Variants in PCGF5 observed in about 807,000 individuals in gnomAD.
PCGF5 encodes polycomb group ring finger 5, also known as polycomb group RING finger protein 5.
Under a neutral mutation model 44.3 loss-of-function variants are expected in PCGF5, and 9 were observed. The observed-to-expected ratio is 0.20, with a 90% CI of 0.12 to 0.35. The LOEUF is 0.35. PCGF5 is among the 10% of genes least tolerant of loss of function. The probability of loss-of-function intolerance (pLI) is 1.00; values close to 1 mark genes in which losing one functional copy is unlikely to be tolerated. For synonymous variants in PCGF5, 95 were observed against 102.5 expected, an observed-to-expected ratio of 0.93 and a Z score of 0.44; for missense variants, 146 against 305.3, an observed-to-expected ratio of 0.48 and a Z score of 3.89.
chr10:91,238,601 C>CTTTCTTTCTTTCTTTTTTT (rs1564644969), intron 2 of PCGF5, among the ~76,000 whole-genome samples: 2 of 58,440 alleles, frequency 3.4e-5, no homozygotes, highest in African/African-American at 1.4e-4. Flanking sequence ...TTCTTTCTTT[C>CTTTCTTTCTTTCTTTTTTT]TTTTTTTTTT....
intron 2 of PCGF5, among the ~76,000 whole-genome samples, chr10:91,236,347 G>T (rs369304048): frequency 6.6e-6 from 1 of 152,142 alleles, no homozygotes; most frequent in Non-Finnish European, 1.5e-5. Flanking sequence ...CTGAGGCCAA[G>T]CCTGATATTT....
intron 1 of PCGF5, among the ~76,000 whole-genome samples, chr10:91,207,974 C>T (rs1012374685): frequency 5.3e-5 from 8 of 152,104 alleles, no homozygotes; most frequent in Admixed American, 4.6e-4. Context: ...GGTACCTTTT[C>T]CCCTTTGTAA....
chr10:91,178,464 A>G (rs1843754849), intron 1 of PCGF5, among the ~76,000 whole-genome samples: 1 of 150,988 alleles, frequency 6.6e-6, no homozygotes, highest in Non-Finnish European at 1.5e-5. Flanking sequence ...ATTATAGCTC[A>G]CAGCAGCCTT....
intron 2 of PCGF5, among the ~76,000 whole-genome samples, chr10:91,237,038 A>G (rs548303623): frequency 3.2e-4 from 49 of 152,352 alleles, no homozygotes; most frequent in Non-Finnish European, 2.8e-4. Context: ...TACATTGGTT[A>G]ACAAAATGGA....
chr10:91,222,792 C>A lies in PCGF5; in HGVS notation c.-80C>A. 2.6e-6 allele frequency: 2 copies of A among 782,322 alleles called. No individual in the cohort carries two copies. Among genetic ancestry groups the A allele is most frequent in the Non-Finnish European group, 4.4e-6 (2 of 458,574 alleles). 48.5% of individuals were successfully genotyped at this position (782,322 alleles called of 1,614,324 possible). A position where few individuals can be genotyped will look rare whatever the true frequency, so the allele number is the denominator to read the frequency against. On this transcript the variant is annotated 5_prime_UTR_variant, in exon 2 of 10. Transcript: ENST00000336126. ...AGGACATCCTACTGGGAACGACACA[C>A]CAGCTCCTGGGATCAGACTTTCATC...
At position 91,283,318 on chromosome 10, in the gene PCGF5, A is replaced by G. The variant is rs1192609844; in HGVS notation, c.*5002A>G. 2 of 152,222 alleles carry G rather than the reference A, an allele frequency of 1.3e-5. No homozygotes were observed. The highest frequency in any genetic ancestry group is 2.9e-5 in the Non-Finnish European group (2 of 68,032). 9.4% of individuals were successfully genotyped at this position (152,222 alleles called of 1,614,324 possible). ...TAAATGCTCATTCAAATGTGTCTGTATACTTGCTATGCCCCTTTTTCTATA... is the reference window on the plus strand; with the variant it reads ...TAAATGCTCATTCAAATGTGTCTGTGTACTTGCTATGCCCCTTTTTCTATA... On this transcript the variant is annotated 3_prime_UTR_variant, in exon 10 of 10. Coordinates refer to ENST00000336126, the MANE Select transcript of PCGF5 (RefSeq NM_032373.5).
At chr10:91,200,178 A>G (rs1370155201) in intron 1 of PCGF5, among the ~76,000 whole-genome samples, 1 of 152,202 alleles carries the variant, frequency 6.6e-6, no homozygotes, top group Non-Finnish European at 1.5e-5. Context: ...GCCAGAATAA[A>G]AGCCACAGGT....
chr10:91,264,535 T>C lies in PCGF5; in HGVS notation c.663+15T>C. On this transcript the variant is annotated intron_variant, in intron 8 of 9. Coordinates refer to ENST00000336126, the MANE Select transcript of PCGF5 (RefSeq NM_032373.5). ...GAGGCGAAAACGTAAATTGCTTTTA[T>C]ATTTACCTATGTGTTTATTTAGTTA... 1 of 1,564,754 alleles carries C rather than the reference T, an allele frequency of 6.4e-7. No individual in the cohort carries two copies. The highest frequency in any genetic ancestry group is 8.8e-7 in the Non-Finnish European group (1 of 1,142,372).
At chr10:91,241,151 C>T (rs915918652) in intron 3 of PCGF5, among the ~76,000 whole-genome samples, 2 of 151,296 alleles carry the variant, frequency 1.3e-5, no homozygotes, top group African/African-American at 2.4e-5. Context: ...CTCAGCTCAC[C>T]GCAACCTCCA....
chr10:91,173,595 T>TTTTTTTTTTTTTTTTTC (rs71025342), intron 1 of PCGF5, among the ~76,000 whole-genome samples: 1 of 140,756 alleles, frequency 7.1e-6, no homozygotes, highest in African/African-American at 2.6e-5. Flanking sequence ...TTTTTTTTTT[T>TTTTTTTTTTTTTTTTTC]CCCACAGAAG....
Position 91,240,494 on chromosome 10 carries a change from T to C in PCGF5, c.123T>C (p.Thr41=). The C allele has an allele frequency of 6.2e-7, 1 of 1,608,434 alleles. No individual in the cohort carries two copies. The change falls in exon 3 of 10, where the codon ACT becomes ACC. Residue 41 remains threonine, a synonymous_variant. Coordinates refer to ENST00000336126, the MANE Select transcript of PCGF5 (RefSeq NM_032373.5). ...VTECLHTFCK[T]CIVQHFEDSN... ...CTTCTTTCTTCTTAGTCTGTAAGAC[T>C]TGTATTGTTCAGCACTTTGAAGATA...
chr10:91,271,309 G>A (rs66518918), intron 8 of PCGF5, among the ~76,000 whole-genome samples: 10,477 of 152,094 alleles, frequency 0.069, 461 homozygotes, highest in African/African-American at 0.11. Flanking sequence ...ATGGAAGAAA[G>A]AGGATGTCCC....
rs148896474 is a variant in PCGF5 at position 91,250,219 on chromosome 10, G to A, written c.326-1073G>A. 1.2e-4 allele frequency among the ~76,000 whole-genome samples: 19 copies of A among 152,060 alleles called. No individual in the cohort carries two copies. The Middle Eastern group carries it at 0.01, about 82-fold the overall frequency. On this transcript the variant is annotated intron_variant, in intron 5 of 9. Transcript: ENST00000336126. ...TATGTATATTCTCTATAAATAAGGA[G>A]AAGAAAACATGTAGAAAAAAGAGAA... is the stretch of plus-strand genomic sequence containing the variant.
chr10:91,245,984 T>C (rs1005071324), intron 3 of PCGF5, among the ~76,000 whole-genome samples: 2 of 152,110 alleles, frequency 1.3e-5, no homozygotes, highest in Non-Finnish European at 2.9e-5. Context: ...TATCCAGCCA[T>C]GGGTGCCAGT....
intron 6 of PCGF5, among the ~76,000 whole-genome samples, chr10:91,260,816 G>C (rs1325008883): frequency 1.4e-5 from 2 of 138,104 alleles, no homozygotes; most frequent in Non-Finnish European, 3.1e-5. Context: ...GTTGTGGGGT[G>C]GGGGAGGGGG....
chr10:91,191,142 A>G (rs1336163237), intron 1 of PCGF5, among the ~76,000 whole-genome samples: 1 of 152,242 alleles, frequency 6.6e-6, no homozygotes, highest in Admixed American at 6.5e-5. Flanking sequence ...TACATATGAT[A>G]AAGTTTAATT....
chr10:91,224,667 T>C (rs1434463497), intron 2 of PCGF5, among the ~76,000 whole-genome samples: 1 of 152,070 alleles, frequency 6.6e-6, no homozygotes, highest in Non-Finnish European at 1.5e-5. Flanking sequence ...GCAGTCTGTA[T>C]AAAGGGAAAA....
chr10:91,161,993 G>A (rs1843393500), upstream of PCGF5, among the ~76,000 whole-genome samples: 1 of 151,904 alleles, frequency 6.6e-6, no homozygotes, highest in Non-Finnish European at 1.5e-5. Flanking sequence ...GGGGGAGCAG[G>A]AAGACTGCAC....
rs1178537535 is a variant in PCGF5 at position 91,195,475 on chromosome 10, TATATATATATAGAGAG to T, written c.-183-27212_-183-27197del. On this transcript the variant is annotated intron_variant, in intron 1 of 9. Coordinates refer to the PCGF5 transcript ENST00000614189. Reference sequence around the variant, plus strand: ...ATGCATATATATATATGCATGCATATATATATATATAGAGAGAGAGAGAGAGAGAGAGACGCAGGGT... The same window carrying T: ...ATGCATATATATATATGCATGCATATAGAGAGAGAGAGAGAGACGCAGGGT... 1.4e-3 allele frequency among the ~76,000 whole-genome samples: 154 copies of T among 107,808 alleles called. 1 individual carries two copies. Among genetic ancestry groups the T allele is most frequent in the African/African-American group, 5.4e-3 (147 of 26,998 alleles). 70.7% of individuals were successfully genotyped at this position (107,808 alleles called of 152,430 possible). A position where few individuals can be genotyped will look rare whatever the true frequency, so the allele number is the denominator to read the frequency against.
Sources: gnomAD v4.1 joint callset for allele counts (sites outside exome capture counted in the v4.1 genomes callset) on GRCh38, gnomAD v4.1.1 for gene constraint, MANE v1.5 for transcripts, NCBI Gene and HGNC (gene_info 2026-07-23, HGNC 2026-07-21) for gene names.